Variants in FLT1 observed in about 807,000 individuals in gnomAD.
FLT1 encodes fms related receptor tyrosine kinase 1.
A neutral mutation model predicts 156.3 loss-of-function variants in FLT1; 49 were observed. That is an observed-to-expected ratio of 0.31 (90% CI 0.25 to 0.40). The LOEUF is 0.40. Ranked by LOEUF, FLT1 falls within the 10% of genes least tolerant of loss-of-function variation. FLT1 has a pLI of 1.00. For missense variants in FLT1, 1,322 were observed against 1,637.2 expected, an observed-to-expected ratio of 0.81 and a Z score of 3.32; for synonymous variants, 594 against 583.8, an observed-to-expected ratio of 1.02 and a Z score of -0.25.
At chr13:28,492,799 G>A (rs1054163089) in intron 1 of FLT1, among the ~76,000 whole-genome samples, 1 of 152,196 alleles carries the variant, frequency 6.6e-6, no homozygotes, top group African/African-American at 2.4e-5. Context: ...TGAGATGCTT[G>A]TTAACCAGAC....
chr13:28,372,657 G>A (rs1467477755), intron 14 of FLT1, among the ~76,000 whole-genome samples: 1 of 143,796 alleles, frequency 7.0e-6, no homozygotes. Context: ...GCCAAGGTGG[G>A]CAGATCACGA....
At position 28,344,535 on chromosome 13, in the gene FLT1, C is replaced by T. The variant is rs74915820; in HGVS notation, c.2355+910G>A. ...AGGGTCTTGCACAGGGCCTGGCATG[C>T]TGCACTGAGTGGGTATGCAGTAAAT... is the stretch of plus-strand genomic sequence containing the variant. On this transcript the variant is annotated intron_variant, in intron 16 of 29. Transcript: ENST00000282397. Among the ~76,000 whole-genome samples, 1,050 of 152,332 alleles carry T rather than the reference C, an allele frequency of 6.9e-3. 11 individuals carry two copies. The highest frequency in any genetic ancestry group is 0.023 in the African/African-American group (970 of 41,562).
At chr13:28,379,204 G>A (rs1315048239) in intron 14 of FLT1, among the ~76,000 whole-genome samples, 3 of 152,132 alleles carry the variant, frequency 2.0e-5, no homozygotes, top group East Asian at 1.9e-4. Flanking sequence ...TTAGCCTGGC[G>A]TTGTGGCATG....
chr13:28,353,116 G>C (rs934518471), intron 15 of FLT1, among the ~76,000 whole-genome samples: 6 of 152,154 alleles, frequency 3.9e-5, no homozygotes, highest in African/African-American at 1.4e-4. Context: ...CCAGCATTTA[G>C]GCTGCAGGAC....
intron 20 of FLT1, among the ~76,000 whole-genome samples, chr13:28,324,714 T>A (rs150393716): frequency 1.1e-4 from 16 of 152,346 alleles, no homozygotes; most frequent in African/African-American, 3.8e-4. Context: ...GGCAATAGCA[T>A]GGGGAGAAAA....
intron 1 of FLT1, among the ~76,000 whole-genome samples, chr13:28,483,073 G>T (rs1165244718): frequency 6.6e-6 from 1 of 152,138 alleles, no homozygotes; most frequent in Admixed American, 6.5e-5. Context: ...AGTTCTACCA[G>T]AAGTCCTTAT....
chr13:28,345,135 A>G (rs1222865533), intron 16 of FLT1, among the ~76,000 whole-genome samples: 1 of 152,116 alleles, frequency 6.6e-6, no homozygotes, highest in Non-Finnish European at 1.5e-5. Flanking sequence ...AGTGAGCGTT[A>G]GGAAATAAAG....
chr13:28,476,124 C>T (rs776774919), intron 1 of FLT1, among the ~76,000 whole-genome samples: 1 of 151,688 alleles, frequency 6.6e-6, no homozygotes, highest in Non-Finnish European at 1.5e-5. Context: ...AATACACACA[C>T]ACATGCACAC....
chr13:28,327,502 T>C lies in FLT1; in HGVS notation c.2756A>G (p.Asn919Ser). The change falls in exon 20 of 30, where the codon AAC becomes AGC. Residue 919 changes from asparagine to serine, a missense_variant. By Grantham distance (46) the Asn-to-Ser change is conservative (BLOSUM62 1). Around this residue, in one of 3 missense-constraint regions of FLT1, gnomAD observed 991 missense variants for 1,254.8 expected, o/e 0.79. Coordinates refer to ENST00000282397, the MANE Select transcript of FLT1 (RefSeq NM_002019.4). The part of the protein sequence containing the change: ...VEYCKYGNLS[N>S]YLKSKRDLFF... Reference sequence around the variant, plus strand: ...TAAGTCACGTTTGCTCTTGAGGTAGTTGGAGAGATTTCCATATTTGCAGTA... The same window carrying C: ...TAAGTCACGTTTGCTCTTGAGGTAGCTGGAGAGATTTCCATATTTGCAGTA... The C allele has an allele frequency of 6.2e-7, 1 of 1,613,766 alleles. No homozygotes were observed. Among genetic ancestry groups the C allele is most frequent in the South Asian group, 1.1e-5 (1 of 91,058 alleles).
At chr13:28,394,298 T>C (rs567657074) in intron 12 of FLT1, among the ~76,000 whole-genome samples, 1 of 152,324 alleles carries the variant, frequency 6.6e-6, no homozygotes, top group Non-Finnish European at 1.5e-5. Flanking sequence ...AGCTCTTGGA[T>C]TTCTAGAGGA....
intron 3 of FLT1, among the ~76,000 whole-genome samples, chr13:28,458,448 GC>G (rs1367140426): frequency 2.0e-5 from 3 of 152,188 alleles, no homozygotes; most frequent in Non-Finnish European, 4.4e-5. Flanking sequence ...ATTTTAGAGA[GC>G]CCCAGAAATT....
chr13:28,471,501 A>G (rs188515598), intron 1 of FLT1, among the ~76,000 whole-genome samples: 15 of 152,316 alleles, frequency 9.8e-5, no homozygotes, highest in African/African-American at 3.1e-4. Context: ...TTTAGCATCT[A>G]CTGCATGCTA....
intron 10 of FLT1, among the ~76,000 whole-genome samples, chr13:28,408,805 C>G (rs75320873): frequency 0.016 from 2,472 of 152,178 alleles, 60 homozygotes; most frequent in African/African-American, 0.055. Flanking sequence ...TCCAAGCCTC[C>G]GTCCCTTTCC....
chr13:28,328,766 G>A (rs1871799413), intron 19 of FLT1, among the ~76,000 whole-genome samples: 2 of 152,334 alleles, frequency 1.3e-5, no homozygotes, highest in South Asian at 2.1e-4. Context: ...GCTGACGGCC[G>A]CACATGAGGG....
intron 24 of FLT1, among the ~76,000 whole-genome samples, chr13:28,317,835 G>T (rs933142895): frequency 1.1e-4 from 16 of 152,232 alleles, no homozygotes; most frequent in African/African-American, 3.9e-4. Context: ...GTGCTCACAG[G>T]CTATTCCTAT....
chr13:28,304,530 C>G (rs1254574018), intron 29 of FLT1, among the ~76,000 whole-genome samples: 1 of 151,780 alleles, frequency 6.6e-6, no homozygotes. Context: ...TTAATGAGAG[C>G]TTTATGGAGA....
intron 3 of FLT1, among the ~76,000 whole-genome samples, chr13:28,457,711 C>G (rs1879341718): frequency 6.6e-6 from 1 of 152,092 alleles, no homozygotes; most frequent in African/African-American, 2.4e-5. Flanking sequence ...AAACTTAAAG[C>G]CTTTTCAGCT....
At chr13:28,335,698 C>T (rs7982251) in intron 17 of FLT1, among the ~76,000 whole-genome samples, 116,612 of 152,166 alleles carry the variant, frequency 0.77, 46,577 homozygotes, top group East Asian at 0.98. Flanking sequence ...ACTGGGGAGA[C>T]GACACGTTTC....
intron 19 of FLT1, among the ~76,000 whole-genome samples, chr13:28,328,899 C>T (rs1871805498): frequency 6.6e-6 from 1 of 152,198 alleles, no homozygotes; most frequent in African/African-American, 2.4e-5. Context: ...CAGGCGGGGC[C>T]GTGTCGAGGT....
Sources: allele counts gnomAD v4.1 joint callset (sites outside exome capture counted in the v4.1 genomes callset), GRCh38; gene constraint gnomAD v4.1.1; regional missense constraint gnomAD v4.1.1; transcripts MANE v1.5; gene names NCBI Gene and HGNC (gene_info 2026-07-23, HGNC 2026-07-21).